The following ATP11C variants were observed in gnomAD, a reference collection of about 807,000 sequenced individuals.
ATP11C encodes the protein phospholipid-transporting ATPase IG.
ATP11C carries 36 observed loss-of-function variants against 97.4 expected under a neutral mutation model. That is an observed-to-expected ratio of 0.37 (90% CI 0.28 to 0.49). The LOEUF (loss-of-function observed/expected upper bound fraction) is 0.49, where lower values mean the gene tolerates loss of function less well. ATP11C is among the 20% of genes least tolerant of loss of function. ATP11C has a pLI of 0.98. For synonymous variants in ATP11C, 275 were observed against 290.9 expected, an observed-to-expected ratio of 0.95 and a Z score of 0.56; for missense variants, 730 against 824.6, an observed-to-expected ratio of 0.89 and a Z score of 1.40.
At chrX:139,917,344 C>G (rs2085170130) in intron 1 of ATP11C, among the ~76,000 whole-genome samples, 1 of 111,929 alleles carries the variant, frequency 8.9e-6, no homozygotes, top group Admixed American at 9.5e-5. Context: ...GAGACTACAT[C>G]AAACTTTAAT....
At chrX:139,764,598 C>T (rs1395239700) in intron 20 of ATP11C, among the ~76,000 whole-genome samples, 1 of 112,965 alleles carries the variant, frequency 8.9e-6, no homozygotes, top group Non-Finnish European at 1.9e-5. Context: ...TGCAAAAATA[C>T]TGTCCTCACA....
chrX:139,925,023 CG>C (rs1435055536), intron 1 of ATP11C, among the ~76,000 whole-genome samples: 4 of 111,696 alleles, frequency 3.6e-5, no homozygotes, highest in African/African-American at 9.8e-5. Flanking sequence ...GTCTACCAAA[CG>C]TTTTTTTCAA....
intron 1 of ATP11C, among the ~76,000 whole-genome samples, chrX:139,930,633 A>G (rs1045623960): frequency 2.7e-5 from 3 of 112,000 alleles, no homozygotes; most frequent in African/African-American, 9.8e-5. Context: ...GCTTCAGCAA[A>G]GCTATCAGTA....
intron 10 of ATP11C, 91 bp from the exon 11 acceptor site, chrX:139,797,417 C>T (rs1040612965): frequency 5.8e-5 from 36 of 622,579 alleles, no homozygotes; most frequent in Admixed American, 4.2e-4. Flanking sequence ...TTTCTGTGTA[C>T]GACGCGTAAC....
chrX:139,887,323 C>G (rs1261066244), intron 1 of ATP11C, among the ~76,000 whole-genome samples: 1 of 111,575 alleles, frequency 9.0e-6, no homozygotes, highest in Non-Finnish European at 1.9e-5. Context: ...ACAGAAAAAC[C>G]ATTAACCATA....
At chrX:139,769,116 G>C (rs1284842321) in intron 19 of ATP11C, among the ~76,000 whole-genome samples, 1 of 102,341 alleles carries the variant, frequency 9.8e-6, no homozygotes, top group African/African-American at 3.6e-5. Context: ...TTTTTTTTTT[G>C]ATGTTTAGAA....
intron 1 of ATP11C, among the ~76,000 whole-genome samples, chrX:139,878,594 G>A (rs1420349752): frequency 9.0e-6 from 1 of 111,602 alleles, no homozygotes; most frequent in Non-Finnish European, 1.9e-5. Context: ...ACCAAAGACT[G>A]AAAAATGCTA....
intron 1 of ATP11C, among the ~76,000 whole-genome samples, chrX:139,902,141 A>G (rs747633124): frequency 2.7e-5 from 3 of 111,388 alleles, no homozygotes; most frequent in Non-Finnish European, 5.6e-5. Flanking sequence ...CAGAAACTCA[A>G]AAGAATGCAA....
intron 23 of ATP11C, among the ~76,000 whole-genome samples, chrX:139,753,596 G>A (rs950318071): frequency 1.8e-5 from 2 of 111,397 alleles, no homozygotes; most frequent in Admixed American, 1.9e-4. Context: ...ATCATCTGAG[G>A]TCAGGAGTTC....
At position 139,903,619 on chromosome X, in the gene ATP11C, T is replaced by C. The variant is rs373875624; in HGVS notation, c.27+28397A>G. ...CCGGTAAGCATTAAAAAAAAAAAAA[T>C]TAACTATAAAAAAAATTTTTTTAAG... is the stretch of plus-strand genomic sequence containing the variant. On this transcript the variant is annotated intron_variant, in intron 1 of 29. Coordinates refer to ENST00000682941, the MANE Select transcript of ATP11C (RefSeq NM_001353812.2). 5.6e-5 allele frequency among the ~76,000 whole-genome samples: 6 copies of C among 107,845 alleles called. No individual in the cohort carries two copies. The East Asian group carries it at 1.5e-3, about 26-fold the overall frequency. The allele number at this position is 107,845 out of a possible 115,157, so 93.7% of individuals were successfully genotyped here. A position where few individuals can be genotyped will look rare whatever the true frequency, so the allele number is the denominator to read the frequency against.
chrX:139,757,312 T>C (rs962168332), intron 23 of ATP11C, among the ~76,000 whole-genome samples: 1 of 111,891 alleles, frequency 8.9e-6, no homozygotes, highest in Non-Finnish European at 1.9e-5. Flanking sequence ...CTACCACTTA[T>C]GTATCAAGTT....
rs752491022 is a variant in ATP11C, at chrX:139,832,184, C to G, written c.28-5361G>C. The stretch of plus-strand genomic sequence containing the variant: ...AGGCTGGAGGGAGAGATGGGACCAT[C>G]TGCATACTGACATGCAGAAATTTGG... On this transcript the variant is annotated intron_variant, in intron 1 of 29. Coordinates refer to ENST00000682941, the MANE Select transcript of ATP11C (RefSeq NM_001353812.2). 5.0e-6 allele frequency: 6 copies of G among 1,207,723 alleles called. No homozygotes were observed. The African/African-American group carries it at 1.0e-4, about 21-fold the overall frequency.
Position 139,726,603 on chromosome X carries a change from C to T in ATP11C, c.*2363G>A, listed in dbSNP as rs940535915. ...AAAAAATTCCATCACTAAATTATTA[C>T]GAATTTTGCAAAGTTAGGCTTACAT... On this transcript the variant is annotated 3_prime_UTR_variant, in exon 30 of 30. Transcript: ENST00000682941. 8.9e-6 allele frequency: 1 copy of T among 112,358 alleles called. No homozygotes were observed. Among genetic ancestry groups the T allele is most frequent in the Admixed American group, 9.4e-5 (1 of 10,606 alleles). The allele number at this position is 112,358 out of a possible 1,213,427, so 9.3% of individuals were successfully genotyped here.
At position 139,753,506 on chromosome X, in the gene ATP11C, G is replaced by GC. The variant is rs760666885; in HGVS notation, c.2701-3355dup. On this transcript the variant is annotated intron_variant, in intron 23 of 29. Transcript: ENST00000682941. The stretch of plus-strand genomic sequence containing the variant: ...GGGAAATTTATAGCACTAAACACCC[G>GC]CATCAAAAAGTTAAAAAGAGGGCCG... 1.1e-4 allele frequency among the ~76,000 whole-genome samples: 12 copies of GC among 111,601 alleles called. No individual in the cohort carries two copies. The South Asian group carries it at 4.5e-3, about 42-fold the overall frequency.
intron 12 of ATP11C, among the ~76,000 whole-genome samples, chrX:139,794,677 G>C (rs888503799): frequency 2.4e-4 from 27 of 111,944 alleles, no homozygotes; most frequent in African/African-American, 8.1e-4. Flanking sequence ...ACATAGTCTA[G>C]ATGATAAGAA....
intron 1 of ATP11C, among the ~76,000 whole-genome samples, chrX:139,887,841 T>C (rs1037313269): frequency 2.8e-5 from 3 of 107,489 alleles, no homozygotes; most frequent in Non-Finnish European, 5.8e-5. Context: ...CATGGTAGCA[T>C]GCACCTATAG....
chrX:139,860,101 T>A (rs1424801333), intron 1 of ATP11C, among the ~76,000 whole-genome samples: 2 of 72,083 alleles, frequency 2.8e-5, no homozygotes, highest in Non-Finnish European at 5.1e-5. Context: ...CGAGACTCCG[T>A]CTCAAAAAAA....
intron 1 of ATP11C, among the ~76,000 whole-genome samples, chrX:139,906,278 G>A (rs1024221519): frequency 9.2e-6 from 1 of 109,183 alleles, no homozygotes; most frequent in African/African-American, 3.3e-5. Flanking sequence ...ATTAGCTGGG[G>A]TCATGGCATA....
chrX:139,746,804 T>C lies in ATP11C; in HGVS notation c.2829-947A>G, dbSNP rs966016050. On this transcript the variant is annotated intron_variant, in intron 24 of 29. Coordinates refer to ENST00000682941, the MANE Select transcript of ATP11C (RefSeq NM_001353812.2). ...CTGCAGAAAAAGATGGGTTGGTGCA[T>C]GTGTTTCTTTTGGATTCTATTTCAA... is the stretch of plus-strand genomic sequence containing the variant. Among the ~76,000 whole-genome samples, 9 of 111,912 alleles carry C rather than the reference T, an allele frequency of 8.0e-5. No individual in the cohort carries two copies. The South Asian group carries it at 1.1e-3, about 14-fold the overall frequency.
Sources: allele counts gnomAD v4.1 joint callset (sites outside exome capture counted in the v4.1 genomes callset), GRCh38; gene constraint gnomAD v4.1.1; transcripts MANE v1.5; gene names NCBI Gene and HGNC (gene_info 2026-07-23, HGNC 2026-07-21).